Variants in ZNF532 observed in about 807,000 individuals in gnomAD.
The protein encoded by ZNF532 is zinc finger protein 532.
Under a neutral mutation model 89.3 loss-of-function variants are expected in ZNF532, and 22 were observed. The ratio of observed to expected loss-of-function variants is 0.25; its 90% CI spans 0.18 to 0.35. The LOEUF (loss-of-function observed/expected upper bound fraction) is 0.35, where lower values mean the gene tolerates loss of function less well. ZNF532 is among the 10% of genes least tolerant of loss of function. The pLI, the probability that ZNF532 is intolerant of heterozygous loss-of-function variation, is 1.00. For synonymous variants in ZNF532, 606 were observed against 649.6 expected (o/e 0.93, Z 1.02); for missense variants, 1,132 against 1,643.4 (o/e 0.69, Z 5.38).
intron 3 of ZNF532, among the ~76,000 whole-genome samples, chr18:58,927,690 T>G (rs2061639242): frequency 6.6e-6 from 1 of 152,160 alleles, no homozygotes; most frequent in African/African-American, 2.4e-5. Flanking sequence ...CTTATTCCAT[T>G]TTCCTCAAAG....
At chr18:58,901,701 G>A (rs2059612188) in intron 2 of ZNF532, among the ~76,000 whole-genome samples, 1 of 152,180 alleles carries the variant, frequency 6.6e-6, no homozygotes, top group African/African-American at 2.4e-5. Context: ...ACCTGCAGGG[G>A]TGGAGTCACC....
intron 7 of ZNF532, among the ~76,000 whole-genome samples, chr18:58,973,784 C>T (rs545906226): frequency 1.3e-5 from 2 of 152,314 alleles, no homozygotes; most frequent in African/African-American, 4.8e-5. Context: ...GGCACATCCA[C>T]ACTGGAACAC....
chr18:58,922,736 G>A lies in ZNF532; in HGVS notation c.2346+2103G>A, dbSNP rs555859999. ...TGTCTGCTGGTGGGCTGTGTAGAGC[G>A]GTCGACTGTGTCCTGGCTTAGGAGG... On this transcript the variant is annotated intron_variant, in intron 3 of 9. Transcript: ENST00000591808. Among the ~76,000 whole-genome samples, 17 of 150,762 alleles carry A rather than the reference G, an allele frequency of 1.1e-4. No individual in the cohort carries two copies. In the East Asian group the frequency reaches 3.0e-3, roughly 26 times the overall value.
At chr18:58,982,433 C>T (rs2067908371) in intron 9 of ZNF532, among the ~76,000 whole-genome samples, 1 of 152,028 alleles carries the variant, frequency 6.6e-6, no homozygotes, top group African/African-American at 2.4e-5. Flanking sequence ...CCAGCCTGGC[C>T]AACGTGGTGA....
intron 6 of ZNF532, among the ~76,000 whole-genome samples, chr18:58,951,933 G>A (rs1050894098): frequency 2.6e-5 from 4 of 152,154 alleles, no homozygotes; most frequent in Admixed American, 6.5e-5. Flanking sequence ...ACAGGCGTGA[G>A]CCACTGCGCG....
chr18:58,970,177 C>G (rs576639745), intron 7 of ZNF532, among the ~76,000 whole-genome samples: 2 of 152,292 alleles, frequency 1.3e-5, no homozygotes, highest in South Asian at 4.1e-4. Context: ...AGCCGCTGTG[C>G]CCAACCATAT....
intron 2 of ZNF532, among the ~76,000 whole-genome samples, chr18:58,899,066 G>T (rs754904891): frequency 6.6e-6 from 1 of 152,270 alleles, no homozygotes; most frequent in Non-Finnish European, 1.5e-5. Context: ...GTAGATTGCT[G>T]TGGGGATCCA....
chr18:58,907,648 G>A (rs989626016), intron 2 of ZNF532, among the ~76,000 whole-genome samples: 4 of 152,150 alleles, frequency 2.6e-5, no homozygotes, highest in Non-Finnish European at 5.9e-5. Flanking sequence ...CAAAGATCAG[G>A]AGGGTTCAGG....
intron 2 of ZNF532, among the ~76,000 whole-genome samples, chr18:58,915,513 A>G (rs1019430478): frequency 6.6e-6 from 1 of 152,162 alleles, no homozygotes; most frequent in African/African-American, 2.4e-5. Flanking sequence ...CAGGCATGGG[A>G]GTTCCTCTCT....
intron 8 of ZNF532, chr18:58,979,503 T>G (rs978079352): frequency 1.9e-5 from 3 of 160,290 alleles, no homozygotes; most frequent in Non-Finnish European, 2.7e-5. Context: ...TTCTCCTACC[T>G]CAACCTCCTG....
In ZNF532 at chr18:58,902,610, A is replaced by G. The variant is rs563667495; in HGVS notation, c.-17-15661A>G. Among the ~76,000 whole-genome samples, 5 of 151,470 alleles carry G rather than the reference A, an allele frequency of 3.3e-5. No individual in the cohort carries two copies. The South Asian group carries it at 1.0e-3, about 32-fold the overall frequency. ...CGGGTTCAAGCGATTCTCCTGCCTC[A>G]GCCTCTCGAGTAGCTGGGATTACAG... is the stretch of plus-strand genomic sequence containing the variant. On this transcript the variant is annotated intron_variant, in intron 2 of 9. Coordinates refer to ENST00000591808, the MANE Select transcript of ZNF532 (RefSeq NM_001375912.1).
rs1341923372 is a variant in ZNF532, at chr18:58,918,575, A to G, written c.288A>G (p.Ala96=). The change falls in exon 3 of 10, where the codon GCA becomes GCG. Residue 96 remains alanine (A), a synonymous_variant. Coordinates refer to ENST00000591808, the MANE Select transcript of ZNF532 (RefSeq NM_001375912.1). ...GNGLHNGFLT[A]SSLDSYSKDG... ...GCTTACATAATGGGTTTCTCACAGCATCCTCCCTTGACAGTTACAGTAAAG... is the reference window on the plus strand; with the variant it reads ...GCTTACATAATGGGTTTCTCACAGCGTCCTCCCTTGACAGTTACAGTAAAG... 6.2e-7 allele frequency: 1 copy of G among 1,614,228 alleles called. No homozygotes were observed. The highest frequency in any genetic ancestry group is 1.1e-5 in the South Asian group (1 of 91,082).
In ZNF532 at chr18:58,966,736, GTGT is replaced by G. The variant is rs1163104329; in HGVS notation, c.3151-12317_3151-12315del. On this transcript the variant is annotated intron_variant, in intron 7 of 9. Coordinates refer to ENST00000591808, the MANE Select transcript of ZNF532 (RefSeq NM_001375912.1). Reference sequence around the variant, plus strand: ...GTATAGCCAGAAAAGGCATTTTTTTGTGTTTTTTTTTTTTTTTTTTTTTTCTTT... The same window carrying G: ...GTATAGCCAGAAAAGGCATTTTTTTGTTTTTTTTTTTTTTTTTTTTTCTTT... Among the ~76,000 whole-genome samples the G allele has an allele frequency of 4.5e-5, 5 of 111,164 alleles. No homozygotes were observed. In the East Asian group the frequency reaches 1.2e-3, roughly 27 times the overall value. The allele number at this position is 111,164 out of a possible 152,430, so 72.9% of individuals were successfully genotyped here.
intron 2 of ZNF532, among the ~76,000 whole-genome samples, chr18:58,865,867 A>G (rs1313649340): frequency 6.6e-6 from 1 of 152,180 alleles, no homozygotes; most frequent in African/African-American, 2.4e-5. Flanking sequence ...CTTGTGGAGA[A>G]TGTGCTGTTT....
chr18:58,878,488 T>C lies in ZNF532; in HGVS notation c.-18+12909T>C, dbSNP rs184957888. On this transcript the variant is annotated intron_variant, in intron 2 of 9. Transcript: ENST00000591808. ...GCCCCCCTGAAGGACTACCATGGAA[T>C]GAATGAGTGAGTTGGTGAATGAATG... Among the ~76,000 whole-genome samples the C allele has an allele frequency of 1.1e-4, 17 of 152,244 alleles. 1 individual carries two copies. Among genetic ancestry groups the C allele is most frequent in the Middle Eastern group, 3.4e-3 (1 of 294 alleles).
At chr18:58,979,362 A>C in intron 8 of ZNF532, 195 bp downstream of exon 8, 1 of 361,554 alleles carries the variant, frequency 2.8e-6, no homozygotes, top group South Asian at 7.5e-5. Flanking sequence ...AAAAAGGAGC[A>C]TTTTCTTGCA....
intron 2 of ZNF532, among the ~76,000 whole-genome samples, chr18:58,891,074 A>T (rs2058863348): frequency 6.6e-6 from 1 of 152,074 alleles, no homozygotes; most frequent in African/African-American, 2.4e-5. Context: ...GTGCGCCACC[A>T]TGCCTGGCTA....
chr18:58,874,757 A>G (rs2057296936), intron 2 of ZNF532, among the ~76,000 whole-genome samples: 1 of 152,206 alleles, frequency 6.6e-6, no homozygotes, highest in Non-Finnish European at 1.5e-5. Context: ...CCAAAGTTTA[A>G]AACAAAACAA....
intron 2 of ZNF532, among the ~76,000 whole-genome samples, chr18:58,913,343 G>A (rs2060397924): frequency 6.6e-6 from 1 of 152,104 alleles, no homozygotes; most frequent in South Asian, 2.1e-4. Context: ...TTTTCTAAGA[G>A]GAGGAAATTA....
Sources: allele counts gnomAD v4.1 joint callset (sites outside exome capture counted in the v4.1 genomes callset), GRCh38; gene constraint gnomAD v4.1.1; transcripts MANE v1.5; gene names NCBI Gene and HGNC (gene_info 2026-07-23, HGNC 2026-07-21).